Variants in NRK observed in about 807,000 individuals in gnomAD.
NRK encodes the protein nik-related protein kinase.
Under a neutral mutation model 125.2 loss-of-function variants are expected in NRK, and 67 were observed. The observed-to-expected ratio is 0.54, with a 90% CI of 0.44 to 0.66. NRK has a LOEUF of 0.66. Among genes scored for constraint, NRK ranks in the 30% least tolerant of loss-of-function variants. NRK has a pLI of 0.00. For missense variants in NRK, 1,224 were observed against 1,192.9 expected (o/e 1.03, Z -0.38); for synonymous variants, 458 against 429.0 (o/e 1.07, Z -0.84).
chrX:105,955,534 C>T lies in NRK; in HGVS notation c.4683C>T (p.His1561=). The T allele has an allele frequency of 1.7e-6, 2 of 1,193,700 alleles. No individual in the cohort carries two copies. The highest frequency in any genetic ancestry group is 2.3e-6 in the Non-Finnish European group (2 of 883,598). The change falls in exon 29 of 29, where the codon CAC becomes CAT. Residue 1561 remains histidine (H), a synonymous_variant. Transcript: ENST00000243300. ...KLFFTSTLRN[H]HSRVYFMTLG... is the part of the protein sequence containing the mutation. Reference sequence around the variant, plus strand: ...TCTTTACCTCTACCCTGCGCAATCACCACAGCCGGGTTTACTTCATGACAC... The same window carrying T: ...TCTTTACCTCTACCCTGCGCAATCATCACAGCCGGGTTTACTTCATGACAC...
intron 21 of NRK, among the ~76,000 whole-genome samples, chrX:105,935,954 TA>T (rs1481916498): frequency 7.6e-4 from 84 of 110,000 alleles, no homozygotes; most frequent in Non-Finnish European, 1.5e-3. Context: ...ATCTTGTTTT[TA>T]AAAAGCCTTG....
chrX:105,896,447 A>G (rs781017888), intron 7 of NRK, among the ~76,000 whole-genome samples: 1 of 112,294 alleles, frequency 8.9e-6, no homozygotes, highest in African/African-American at 3.2e-5. Flanking sequence ...TGAGGTAGTA[A>G]TTGTTTATTC....
At chrX:105,923,859 A>G (rs1208387023) in intron 18 of NRK, among the ~76,000 whole-genome samples, 1 of 96,273 alleles carries the variant, frequency 1.0e-5, no homozygotes, top group East Asian at 3.3e-4. Context: ...TTGCAAACAT[A>G]GCTATTCATT....
intron 2 of NRK, among the ~76,000 whole-genome samples, chrX:105,832,909 G>C (rs757717284): frequency 7.2e-5 from 8 of 110,878 alleles, no homozygotes; most frequent in Non-Finnish European, 9.4e-5. Flanking sequence ...TGCACCTGTA[G>C]TCTTAGCTAC....
chrX:105,905,014 A>C (rs890283022), intron 9 of NRK, among the ~76,000 whole-genome samples: 4 of 112,447 alleles, frequency 3.6e-5, no homozygotes, highest in African/African-American at 1.3e-4. Context: ...TACATTTCAA[A>C]TATTTTGTCT....
At chrX:105,900,430 A>T (rs187166884) in intron 8 of NRK, among the ~76,000 whole-genome samples, 188 bp from the exon 9 acceptor site, 17 of 111,947 alleles carry the variant, frequency 1.5e-4, no homozygotes, top group Admixed American at 9.4e-5. Context: ...GTAGTGAGGT[A>T]CTGGCTGGTC....
chrX:105,947,616 T>C, intron 26 of NRK, among the ~76,000 whole-genome samples: 1 of 111,771 alleles, frequency 8.9e-6, no homozygotes, highest in Middle Eastern at 4.7e-3. Context: ...TTGGCAATGA[T>C]GTTTGTCCTA....
At chrX:105,894,043 C>A (rs2040048935) in intron 6 of NRK, 101 bp downstream of exon 6, 3 of 440,792 alleles carry the variant, frequency 6.8e-6, no homozygotes, top group Non-Finnish European at 1.1e-5. Flanking sequence ...TTTAGGTATT[C>A]CAAACATAAC....
At chrX:105,827,704 A>G (rs1482510394) in intron 1 of NRK, among the ~76,000 whole-genome samples, 1 of 112,342 alleles carries the variant, frequency 8.9e-6, no homozygotes, top group Non-Finnish European at 1.9e-5. Flanking sequence ...ACGAAAGTAC[A>G]ACAGGTTTGT....
intron 5 of NRK, among the ~76,000 whole-genome samples, chrX:105,890,818 G>C (rs1353515580): frequency 9.0e-6 from 1 of 111,619 alleles, no homozygotes; most frequent in Non-Finnish European, 1.9e-5. Flanking sequence ...GATGAGATTT[G>C]GGTGAGAAAC....
At chrX:105,886,534 G>A (rs933806306) in intron 4 of NRK, among the ~76,000 whole-genome samples, 4 of 102,766 alleles carry the variant, frequency 3.9e-5, no homozygotes, top group Non-Finnish European at 5.9e-5. Context: ...ACGTGTGTGT[G>A]TATGTGTGTG....
intron 19 of NRK, among the ~76,000 whole-genome samples, chrX:105,931,300 A>C (rs1008024223): frequency 1.8e-5 from 2 of 111,820 alleles, no homozygotes; most frequent in Admixed American, 1.9e-4. Context: ...CCCAGAACAT[A>C]GTGTATTTCA....
chrX:105,844,622 G>C (rs2039377399), intron 2 of NRK, among the ~76,000 whole-genome samples: 1 of 111,419 alleles, frequency 9.0e-6, no homozygotes, highest in Non-Finnish European at 1.9e-5. Flanking sequence ...CTAGGAATGA[G>C]GCCAGAACGT....
chrX:105,948,659 G>A lies in NRK; in HGVS notation c.4354-916G>A, dbSNP rs748295734. The A allele has an allele frequency of 9.9e-4, 498 of 502,189 alleles. 1 individual carries two copies. Among genetic ancestry groups the A allele is most frequent in the Middle Eastern group, 1.9e-3 (6 of 3,169 alleles). 41.4% of individuals were successfully genotyped at this position (502,189 alleles called of 1,213,427 possible). ...TTGCTCATGCAAGTGCCCAGGGAAC[G>A]CATTAAAATTGCTTTTCGTCTCTGG... On this transcript the variant is annotated intron_variant, in intron 26 of 28. Coordinates refer to ENST00000243300, the MANE Select transcript of NRK (RefSeq NM_198465.4).
chrX:105,856,935 G>T (rs1503194), intron 2 of NRK, among the ~76,000 whole-genome samples: 21,430 of 110,528 alleles, frequency 0.19, 1,554 homozygotes, highest in Middle Eastern at 0.31. Flanking sequence ...TGGGCACAAT[G>T]ATACTCTTTG....
At chrX:105,893,131 T>C (rs750013631) in intron 5 of NRK, among the ~76,000 whole-genome samples, 14 of 111,498 alleles carry the variant, frequency 1.3e-4, no homozygotes, top group Non-Finnish European at 1.3e-4. Flanking sequence ...AAAAATAAAC[T>C]TTCTGAGAAA....
intron 6 of NRK, among the ~76,000 whole-genome samples, chrX:105,894,752 A>G (rs2040059162): frequency 8.9e-6 from 1 of 112,070 alleles, no homozygotes; most frequent in African/African-American, 3.2e-5. Flanking sequence ...TTAGTAATTT[A>G]CTCCATGTAA....
chrX:105,845,467 C>T (rs2039388411), intron 2 of NRK, among the ~76,000 whole-genome samples: 1 of 111,753 alleles, frequency 8.9e-6, no homozygotes, highest in Non-Finnish European at 1.9e-5. Context: ...AATAAAAATA[C>T]AGGATGCCAA....
intron 2 of NRK, among the ~76,000 whole-genome samples, chrX:105,876,552 T>G (rs2039818244): frequency 9.0e-6 from 1 of 111,565 alleles, no homozygotes; most frequent in African/African-American, 3.2e-5. Flanking sequence ...TATAATTTAC[T>G]ACTGTTCTTG....
Sources: gnomAD v4.1 joint callset for allele counts (sites outside exome capture counted in the v4.1 genomes callset) on GRCh38, gnomAD v4.1.1 for gene constraint, MANE v1.5 for transcripts, NCBI Gene and HGNC (gene_info 2026-07-23, HGNC 2026-07-21) for gene names.